Variants in GPR55 observed in about 807,000 individuals in gnomAD.
The protein encoded by GPR55 is G-protein coupled receptor 55.
Under a neutral mutation model 7.9 loss-of-function variants are expected in GPR55, and 6 were observed. The ratio of observed to expected loss-of-function variants is 0.76; its 90% confidence interval spans 0.41 to 1.49. The LOEUF (loss-of-function observed/expected upper bound fraction) is 1.49, where lower values mean the gene tolerates loss of function less well. Among genes scored for constraint, GPR55 ranks in the 40% most tolerant of loss-of-function variants. The probability of loss-of-function intolerance (pLI) is 0.01; values close to 1 mark genes in which losing one functional copy is unlikely to be tolerated. For synonymous variants in GPR55, 183 were observed against 166.8 expected (o/e 1.10, Z -0.75); for missense variants, 376 against 406.0 (o/e 0.93, Z 0.63).
At chr2:230,933,269 T>C (rs1184883520) in intron 1 of GPR55, among the ~76,000 whole-genome samples, 1 of 152,108 alleles carries the variant, frequency 6.6e-6, no homozygotes, top group African/African-American at 2.4e-5. Flanking sequence ...CTTCTGGCCT[T>C]TCTCTGGCCT....
intron 1 of GPR55, among the ~76,000 whole-genome samples, chr2:230,945,621 G>A (rs905046920): frequency 5.3e-5 from 8 of 152,344 alleles, no homozygotes; most frequent in African/African-American, 1.9e-4. Flanking sequence ...CGCCCAGGCT[G>A]GAGTGCAGTG....
At chr2:230,922,354 C>T (rs74425187) in intron 1 of GPR55, among the ~76,000 whole-genome samples, 3,148 of 152,042 alleles carry the variant, frequency 0.021, 116 homozygotes, top group African/African-American at 0.071. Flanking sequence ...GCCCCGAGCC[C>T]GGAGCCCTGG....
At chr2:230,950,378 G>C (rs1691381799) in intron 1 of GPR55, among the ~76,000 whole-genome samples, 1 of 152,108 alleles carries the variant, frequency 6.6e-6, no homozygotes, top group African/African-American at 2.4e-5. Flanking sequence ...AGAGCAATTG[G>C]CTTTTTTGTC....
intron 1 of GPR55, among the ~76,000 whole-genome samples, chr2:230,918,607 A>C (rs1031914822): frequency 6.6e-6 from 1 of 152,208 alleles, no homozygotes. Flanking sequence ...TCAGCACAAA[A>C]GAGACAGACT....
upstream of GPR55, among the ~76,000 whole-genome samples, chr2:230,929,338 C>T (rs1176042211): frequency 2.6e-5 from 4 of 152,108 alleles, no homozygotes; most frequent in Non-Finnish European, 4.4e-5. Flanking sequence ...CCCTGATAAT[C>T]CCCCTTAGCA....
chr2:230,910,145 G>A lies in GPR55; in HGVS notation c.818C>T (p.Ser273Phe). The A allele has an allele frequency of 5.0e-6, 8 of 1,614,172 alleles. No individual in the cohort carries two copies. Among genetic ancestry groups the A allele is most frequent in the South Asian group, 1.1e-5 (1 of 91,068 alleles). ...KQSISFFLQLSMCFSNVNCCL... is the reference protein window; with the variant it reads ...KQSISFFLQLFMCFSNVNCCL... ...GCAGTTGACGTTGGAGAAACACATG[G>A]ACAATTGCAAGAAGAAGCTGATGCT... Residue 273 changes from serine (S) to phenylalanine (F), a missense_variant, in exon 2 of 2, where the codon TCC becomes TTC. Physicochemically the swap from Ser to Phe is radical, Grantham distance 155 (BLOSUM62 -2). Coordinates refer to ENST00000650999, the MANE Select transcript of GPR55 (RefSeq NM_005683.4). This position sits in a 1 kb window ranked among gnomAD's most constrained non-coding sequence, Gnocchi z 5.4.
At chr2:230,927,332 T>C (rs1690960584), upstream of GPR55, among the ~76,000 whole-genome samples, 1 of 152,098 alleles carries the variant, frequency 6.6e-6, no homozygotes, top group African/African-American at 2.4e-5. Flanking sequence ...TTGGGGGATA[T>C]CCAAGGTATA....
At chr2:230,948,655 T>C (rs1456796538) in intron 1 of GPR55, among the ~76,000 whole-genome samples, 1 of 152,210 alleles carries the variant, frequency 6.6e-6, no homozygotes. Context: ...CAGTGCAGAG[T>C]CTTCATCATT....
rs1197355177 is a variant in GPR55 at position 230,944,990 on chromosome 2, G to A, written c.-135+15785C>T. 1.3e-5 allele frequency among the ~76,000 whole-genome samples: 2 copies of A among 152,220 alleles called. No homozygotes were observed. The highest frequency in any genetic ancestry group is 1.3e-4 in the Admixed American group (2 of 15,282). On this transcript the variant is annotated intron_variant, in intron 1 of 1. Coordinates refer to the GPR55 transcript ENST00000392039. The surrounding 1 kb of genome is among the most constrained non-coding windows in gnomAD (Gnocchi z 4.2). ...GAACCAGGTAAGGTTCCCGCACATC[G>A]CCCTCCATGAAGCAGGAGCAGGAGC... is the stretch of plus-strand genomic sequence containing the variant.
intron 1 of GPR55, among the ~76,000 whole-genome samples, chr2:230,930,451 T>TTTTC (rs1324337063): frequency 1.3e-5 from 2 of 151,778 alleles, no homozygotes; most frequent in Non-Finnish European, 1.5e-5. Flanking sequence ...TTTGTTTTTC[T>TTTTC]TTTCTTTCTT....
intron 1 of GPR55, among the ~76,000 whole-genome samples, chr2:230,938,759 G>C (rs1214621695): frequency 6.6e-6 from 1 of 152,218 alleles, no homozygotes; most frequent in Non-Finnish European, 1.5e-5. Flanking sequence ...AGCCATGTGG[G>C]CTCCGTGGCA....
chr2:230,954,449 C>T (rs73995430), intron 1 of GPR55, among the ~76,000 whole-genome samples: 5 of 152,208 alleles, frequency 3.3e-5, no homozygotes, highest in African/African-American at 9.6e-5. Flanking sequence ...TGCCACTGGC[C>T]GAAGCCTCCC....
At chr2:230,919,232 C>T (rs1690781801) in intron 1 of GPR55, among the ~76,000 whole-genome samples, 1 of 152,000 alleles carries the variant, frequency 6.6e-6, no homozygotes, top group African/African-American at 2.4e-5. Context: ...TATAAAATCA[C>T]TAAAGGGAAA....
chr2:230,925,002 G>A (rs1410265210), intron 1 of GPR55, among the ~76,000 whole-genome samples, 166 bp downstream of exon 1: 1 of 152,166 alleles, frequency 6.6e-6, no homozygotes, highest in Non-Finnish European at 1.5e-5. Context: ...GGAGGCTGCC[G>A]CTGCCCTGAC....
intron 1 of GPR55, chr2:230,957,534 G>C: frequency 2.7e-6 from 1 of 369,268 alleles, no homozygotes; most frequent in Non-Finnish European, 5.3e-6. Flanking sequence ...CGGCTGGCCG[G>C]TCTTCCTTCT....
chr2:230,921,938 C>T (rs1163924322), intron 1 of GPR55, among the ~76,000 whole-genome samples: 1 of 152,204 alleles, frequency 6.6e-6, no homozygotes, highest in Non-Finnish European at 1.5e-5. Context: ...TAAGACTTCA[C>T]AGGGTCAGAA....
At position 230,923,086 on chromosome 2, in the gene GPR55, G is replaced by A. The variant is rs893227097; in HGVS notation, c.-135+2082C>T. Among the ~76,000 whole-genome samples the A allele has an allele frequency of 1.3e-5, 2 of 152,168 alleles. No homozygotes were observed. The highest frequency in any genetic ancestry group is 2.9e-5 in the Non-Finnish European group (2 of 68,026). The stretch of plus-strand genomic sequence containing the variant: ...CCAGTGGTCCATGGTACCCTCATCC[G>A]CCCACACCCTCAAGGATCCAGTGTC... On this transcript the variant is annotated intron_variant, in intron 1 of 1. Coordinates refer to ENST00000650999, the MANE Select transcript of GPR55 (RefSeq NM_005683.4). The surrounding 1 kb of genome is among the most constrained non-coding windows in gnomAD (Gnocchi z 4.1).
intron 1 of GPR55, among the ~76,000 whole-genome samples, chr2:230,918,066 G>C (rs1294360858): frequency 1.3e-5 from 2 of 152,112 alleles, no homozygotes; most frequent in East Asian, 3.8e-4. Context: ...GGGAAAAAAT[G>C]TCTTAGGGAA....
chr2:230,931,657 C>T (rs910965453), intron 1 of GPR55, among the ~76,000 whole-genome samples: 15 of 152,152 alleles, frequency 9.9e-5, no homozygotes, highest in African/African-American at 3.6e-4. Context: ...CAGGCCCCGA[C>T]CGCTGCACCC....
Sources: gnomAD v4.1 joint callset for allele counts (sites outside exome capture counted in the v4.1 genomes callset) on GRCh38, gnomAD v4.1.1 for gene constraint, Gnocchi (gnomAD v3.1) non-coding constraint, MANE v1.5 for transcripts, NCBI Gene and HGNC (gene_info 2026-07-23, HGNC 2026-07-21) for gene names.